MYO16: variants seen among roughly 807,000 people sequenced by gnomAD.
The protein encoded by MYO16 is myosin XVI, also known as unconventional myosin-XVI.
Under a neutral mutation model 205.3 loss-of-function variants are expected in MYO16, and 94 were observed. The ratio of observed to expected loss-of-function variants is 0.46; its 90% CI spans 0.39 to 0.54. MYO16 has a LOEUF of 0.54. Ranked by LOEUF, MYO16 falls within the 20% of genes least tolerant of loss-of-function variation. The pLI is 0.00. For missense variants in MYO16, 2,315 were observed against 2,387.5 expected, an observed-to-expected ratio of 0.97 and a Z score of 0.63; for synonymous variants, 988 against 954.0, an observed-to-expected ratio of 1.04 and a Z score of -0.66.
Position 109,164,925 on chromosome 13 carries a change from G to A in MYO16, c.5189G>A (p.Ser1730Asn). Reference sequence around the variant, plus strand: ...GGTTTTGAAACTAACATGAACATAAGTAGCCGAGATGACCCTAGTACGTCA... The same window carrying A: ...GGTTTTGAAACTAACATGAACATAAATAGCCGAGATGACCCTAGTACGTCA... ...AEGFETNMNISSRDDPSTSEI... is the reference protein window; with the variant it reads ...AEGFETNMNINSRDDPSTSEI... The change falls in exon 33 of 35, where the codon AGT (serine) becomes AAT (asparagine). Residue 1730 changes from serine (S) to asparagine (N), a missense_variant. By Grantham distance (46) the Ser-to-Asn change is conservative. This residue lies in a region of MYO16 where 1,097 missense variants were observed against 1,092.0 expected (regional missense o/e 1.00). Transcript: ENST00000457511. 6.3e-7 allele frequency: 1 copy of A among 1,585,582 alleles called. No individual in the cohort carries two copies. Among genetic ancestry groups the A allele is most frequent in the Non-Finnish European group, 8.6e-7 (1 of 1,169,446 alleles).
chr13:108,769,336 G>C (rs1166292906), intron 4 of MYO16, among the ~76,000 whole-genome samples: 3 of 152,168 alleles, frequency 2.0e-5, no homozygotes, highest in Admixed American at 6.5e-5. Flanking sequence ...CCACGTGTGT[G>C]AGGGACAGGA....
chr13:108,839,841 C>G (rs1441887504), intron 9 of MYO16, among the ~76,000 whole-genome samples: 1 of 152,164 alleles, frequency 6.6e-6, no homozygotes, highest in Non-Finnish European at 1.5e-5. Context: ...GAACTCTTGT[C>G]TTCTGCAACT....
In MYO16 at chr13:108,919,941, A is replaced by T. The variant is rs1190175655; in HGVS notation, c.1925+9791A>T. On this transcript the variant is annotated intron_variant, in intron 16 of 34. Transcript: ENST00000457511. ...CATATTTCTCTGACTGTGAATATTCATATGGGGTTCTCCCCAAATTAAAAT... is the reference window on the plus strand; with the variant it reads ...CATATTTCTCTGACTGTGAATATTCTTATGGGGTTCTCCCCAAATTAAAAT... Among the ~76,000 whole-genome samples the T allele has an allele frequency of 2.0e-5, 3 of 152,360 alleles. No homozygotes were observed. The East Asian group carries it at 5.8e-4, about 29-fold the overall frequency.
At chr13:109,129,071 CTTTTTTTTT>C (rs372300769) in intron 31 of MYO16, among the ~76,000 whole-genome samples, 1 of 128,222 alleles carries the variant, frequency 7.8e-6, no homozygotes, top group South Asian at 2.5e-4. Flanking sequence ...TGCGCCAGGC[CTTTTTTTTT>C]TTTTTTTTAG....
chr13:108,814,893 C>T (rs576318977), intron 7 of MYO16, among the ~76,000 whole-genome samples: 4 of 152,072 alleles, frequency 2.6e-5, no homozygotes, highest in Admixed American at 6.5e-5. Flanking sequence ...CAAACCCCAC[C>T]GCAGATTGAA....
chr13:108,575,835 C>CT, the MYO16 span, among the ~76,000 whole-genome samples: 3 of 152,054 alleles, frequency 2.0e-5, no homozygotes, highest in Non-Finnish European at 4.4e-5. Context: ...CTAATAATAC[C>CT]TTAGGAAGTG....
intron 1 of MYO16, among the ~76,000 whole-genome samples, chr13:108,649,224 T>TA (rs11376513): frequency 0.18 from 27,652 of 151,850 alleles, 3,853 homozygotes; most frequent in African/African-American, 0.38. Context: ...TAAAGTATAA[T>TA]AAAAAAAATT....
At chr13:108,668,328 G>T (rs955481796) in intron 2 of MYO16, among the ~76,000 whole-genome samples, 4 of 152,280 alleles carry the variant, frequency 2.6e-5, no homozygotes, top group Admixed American at 6.5e-5. Flanking sequence ...CGGAGCTAGG[G>T]TGTGGTGAGA....
At chr13:109,124,526 G>T (rs1876145427) in intron 29 of MYO16, among the ~76,000 whole-genome samples, 1 of 152,088 alleles carries the variant, frequency 6.6e-6, no homozygotes, top group African/African-American at 2.4e-5. Flanking sequence ...CTGACATATT[G>T]ATTTCAAAGC....
At chr13:108,659,702 A>G (rs1385672142) in intron 1 of MYO16, among the ~76,000 whole-genome samples, 1 of 152,182 alleles carries the variant, frequency 6.6e-6, no homozygotes, top group African/African-American at 2.4e-5. Context: ...TTAGGTCCTA[A>G]TAAAGAGTGT....
At chr13:108,534,681 T>C in the MYO16 span, among the ~76,000 whole-genome samples, 1 of 152,052 alleles carries the variant, frequency 6.6e-6, no homozygotes, top group Non-Finnish European at 1.5e-5. Flanking sequence ...TTGTTGACTC[T>C]GTAGCCAACT....
chr13:109,069,590 G>T (rs1321006133), intron 27 of MYO16, among the ~76,000 whole-genome samples: 2 of 680 alleles, frequency 2.9e-3, no homozygotes, highest in Non-Finnish European at 4.1e-3. Context: ...AGTTGTAGAG[G>T]GGCTCTACAC....
At chr13:108,800,340 T>G (rs1282892689) in intron 6 of MYO16, among the ~76,000 whole-genome samples, 9 of 152,172 alleles carry the variant, frequency 5.9e-5, no homozygotes, top group African/African-American at 2.2e-4. Flanking sequence ...TGGGAGGAAC[T>G]CTCATCCACC....
At chr13:108,787,130 G>A (rs1432752871) in intron 5 of MYO16, among the ~76,000 whole-genome samples, 2 of 152,156 alleles carry the variant, frequency 1.3e-5, no homozygotes, top group African/African-American at 2.4e-5. Context: ...TAGTTTGTAT[G>A]TTAAGTGTTA....
chr13:109,015,325 G>A (rs1475176245), intron 22 of MYO16, among the ~76,000 whole-genome samples: 1 of 152,172 alleles, frequency 6.6e-6, no homozygotes. Context: ...TTTGATCATG[G>A]TGGATAAGCT....
rs544506496 is a variant in MYO16 at position 108,674,401 on chromosome 13, T to C, written c.292+8252T>C. Among the ~76,000 whole-genome samples, 5 of 152,344 alleles carry C rather than the reference T, an allele frequency of 3.3e-5. No homozygotes were observed. In the South Asian group the frequency reaches 8.3e-4, roughly 25 times the overall value. On this transcript the variant is annotated intron_variant, in intron 2 of 34. Transcript: ENST00000457511. ...GTATAAAGATAGAAGGAGCCTGTTA[T>C]AATTTTCACAACTAGCATTTAGTGA...
At chr13:109,033,248 C>G (rs1314959358) in intron 23 of MYO16, among the ~76,000 whole-genome samples, 2 of 152,138 alleles carry the variant, frequency 1.3e-5, no homozygotes, top group Non-Finnish European at 2.9e-5. Flanking sequence ...AGGCAGTGCA[C>G]CACTGACAAG....
intron 28 of MYO16, among the ~76,000 whole-genome samples, chr13:109,117,908 T>C (rs1594100752): frequency 6.6e-6 from 1 of 152,300 alleles, no homozygotes; most frequent in East Asian, 1.9e-4. Context: ...TCCAAATTGC[T>C]CCCAGGAGAA....
chr13:108,736,219 C>T (rs1884692644), intron 4 of MYO16, among the ~76,000 whole-genome samples: 2 of 152,116 alleles, frequency 1.3e-5, no homozygotes, highest in South Asian at 4.1e-4. Context: ...AGTCCTTGCC[C>T]ATGCCTATGT....
Sources: allele counts gnomAD v4.1 joint callset (sites outside exome capture counted in the v4.1 genomes callset), GRCh38; gene constraint gnomAD v4.1.1; regional missense constraint gnomAD v4.1.1; transcripts MANE v1.5; gene names NCBI Gene and HGNC (gene_info 2026-07-23, HGNC 2026-07-21).